ANXA9: variants seen among roughly 807,000 people sequenced by gnomAD.
The protein encoded by ANXA9 is annexin 31.
Under a neutral mutation model 51.8 loss-of-function variants are expected in ANXA9, and 47 were observed. That is an observed-to-expected ratio of 0.91 (90% CI 0.72 to 1.16). The LOEUF (loss-of-function observed/expected upper bound fraction) is 1.16. ANXA9 is among the 50% of genes most tolerant of loss of function. The pLI, the probability that ANXA9 is intolerant of heterozygous loss-of-function variation, is 0.00. For missense variants in ANXA9, 361 were observed against 424.7 expected (o/e 0.85, Z 1.32); for synonymous variants, 154 against 168.7 (o/e 0.91, Z 0.68).
intron 12 of ANXA9, among the ~76,000 whole-genome samples, chr1:150,989,781 A>G (rs947816408): frequency 5.3e-5 from 8 of 152,200 alleles, no homozygotes; most frequent in African/African-American, 1.9e-4. Context: ...GTTAGTAAAT[A>G]TAAGCAATTG....
intron 12 of ANXA9, among the ~76,000 whole-genome samples, chr1:150,993,594 G>A (rs911472095): frequency 2.7e-5 from 4 of 148,242 alleles, no homozygotes; most frequent in African/African-American, 1.0e-4. Context: ...ACAGGCATGA[G>A]CCACCACACC....
chr1:150,993,780 A>ACC (rs1432646622), intron 12 of ANXA9, among the ~76,000 whole-genome samples: 1 of 150,474 alleles, frequency 6.6e-6, no homozygotes, highest in Non-Finnish European at 1.5e-5. Flanking sequence ...GATTGCAGGC[A>ACC]CCCACCACCA....
Position 150,995,287 on chromosome 1 carries a change from G to A in ANXA9, c.1003G>A (p.Ala335Thr). Residue 335 changes from alanine (A) to threonine (T), a missense_variant, in exon 14 of 14, where the codon GCC becomes ACC. Ala to Thr is a moderately conservative substitution (Grantham distance 58, BLOSUM62 0). Transcript: ENST00000368947. Reference protein sequence around the residue: ...QDAVKGDCQSALLALCRAEDM With the variant: ...QDAVKGDCQSTLLALCRAEDM The stretch of plus-strand genomic sequence containing the variant: ...TGCAGTGAAAGGGGATTGCCAGTCA[G>A]CCCTCCTGGCCTTGTGCAGGGCTGA... 6.2e-7 allele frequency: 1 copy of A among 1,610,400 alleles called. No homozygotes were observed. Among genetic ancestry groups the A allele is most frequent in the Non-Finnish European group, 8.5e-7 (1 of 1,178,226 alleles).
Position 150,983,393 on chromosome 1 carries a change from A to AC in ANXA9, c.132dup (p.Lys45GlnfsTer74). 1 of 1,613,972 alleles carries AC rather than the reference A, an allele frequency of 6.2e-7. No homozygotes were observed. Among genetic ancestry groups the AC allele is most frequent in the Non-Finnish European group, 8.5e-7 (1 of 1,179,912 alleles). On this transcript the variant is annotated frameshift_variant, in exon 4 of 14. Coordinates refer to ENST00000368947, the MANE Select transcript of ANXA9 (RefSeq NM_003568.3). LOFTEE classifies it high-confidence loss of function. ...AGGACCTTCTTGAACTTCAGCGTGG[A>AC]CAAGGATGCGCAGAGGCTACTGAGG...
intron 12 of ANXA9, among the ~76,000 whole-genome samples, chr1:150,991,998 C>T (rs1024645231): frequency 6.6e-6 from 1 of 151,966 alleles, no homozygotes; most frequent in East Asian, 1.9e-4. Flanking sequence ...AACTCCTGGC[C>T]TCAGGTGATC....
upstream of ANXA9, among the ~76,000 whole-genome samples, chr1:150,980,210 C>A (rs1205634287): frequency 6.6e-6 from 1 of 152,150 alleles, no homozygotes; most frequent in East Asian, 1.9e-4. Context: ...GCCTGGCCAA[C>A]ATGGTGAAAC....
upstream of ANXA9, chr1:150,982,000 T>C (rs990623852): frequency 3.3e-5 from 5 of 152,256 alleles, no homozygotes; most frequent in African/African-American, 1.2e-4. Context: ...AGCTGGACTT[T>C]GAGACTAGGT....
intron 12 of ANXA9, among the ~76,000 whole-genome samples, chr1:150,992,256 G>T (rs1014511429): frequency 1.3e-5 from 2 of 151,484 alleles, no homozygotes; most frequent in African/African-American, 4.8e-5. Context: ...ATACGATTAA[G>T]TATTATAATT....
upstream of ANXA9, among the ~76,000 whole-genome samples, chr1:150,980,846 T>G: frequency 1.3e-5 from 2 of 152,066 alleles, 1 homozygote; most frequent in Middle Eastern, 6.3e-3. Flanking sequence ...CACAAAGTGC[T>G]GGGATTACAG....
At chr1:150,988,942 G>A (rs1237654521) in intron 12 of ANXA9, among the ~76,000 whole-genome samples, 3 of 151,354 alleles carry the variant, frequency 2.0e-5, no homozygotes, top group South Asian at 4.2e-4. Flanking sequence ...CTTTCTCCAC[G>A]CTGGTCAGAT....
chr1:150,992,660 A>G (rs955664828), intron 12 of ANXA9, among the ~76,000 whole-genome samples: 7 of 151,858 alleles, frequency 4.6e-5, no homozygotes, highest in African/African-American at 1.7e-4. Context: ...AAATAAAAAA[A>G]TTAGCTGGGC....
At chr1:150,984,541 C>T (rs764428573) in intron 6 of ANXA9, 45 bp from the exon 7 acceptor site, 2 of 1,578,398 alleles carry the variant, frequency 1.3e-6, no homozygotes, top group Admixed American at 3.3e-5. Context: ...GTCTGCCATC[C>T]TAATGACACG....
intron 12 of ANXA9, among the ~76,000 whole-genome samples, chr1:150,993,240 C>A (rs143246506): frequency 0.011 from 1,699 of 151,764 alleles, 21 homozygotes; most frequent in African/African-American, 0.039. Context: ...AAAAATCTCT[C>A]ATAACAACAC....
chr1:150,979,770 T>A (rs1671383210), upstream of ANXA9, among the ~76,000 whole-genome samples: 1 of 152,238 alleles, frequency 6.6e-6, no homozygotes, highest in Non-Finnish European at 1.5e-5. Context: ...CAGTAACAGT[T>A]ACCATATAAC....
chr1:150,983,941 C>T, intron 4 of ANXA9, 34 bp from the exon 5 acceptor site: 1 of 1,591,440 alleles, frequency 6.3e-7, no homozygotes, highest in Non-Finnish European at 8.6e-7. Context: ...TATGTAAAGA[C>T]CCTGCTCACA....
At chr1:150,986,308 A>G in intron 7 of ANXA9, 28 bp from the exon 8 acceptor site, 1 of 1,608,040 alleles carries the variant, frequency 6.2e-7, no homozygotes, top group Non-Finnish European at 8.5e-7. Context: ...ACTCAGGAGG[A>G]TTCAGAGAGC....
intron 12 of ANXA9, 68 bp downstream of exon 12, chr1:150,988,409 T>G: frequency 6.3e-7 from 1 of 1,578,048 alleles, no homozygotes; most frequent in South Asian, 1.1e-5. Flanking sequence ...CTCAGCTTGC[T>G]GCTTATGTAA....
intron 12 of ANXA9, among the ~76,000 whole-genome samples, chr1:150,991,329 C>T (rs193217946): frequency 3.7e-4 from 51 of 137,592 alleles, no homozygotes; most frequent in Middle Eastern, 5.2e-3. Context: ...CTCCGCCTCC[C>T]GAGTTCAAGC....
chr1:150,984,114 A>G (rs1671491396), intron 5 of ANXA9, 45 bp downstream of exon 5: 1 of 1,589,582 alleles, frequency 6.3e-7, no homozygotes, highest in East Asian at 2.2e-5. Context: ...GGGGTGAGAA[A>G]CCCCCTGGAG....
Sources: allele counts gnomAD v4.1 joint callset (sites outside exome capture counted in the v4.1 genomes callset), GRCh38; gene constraint gnomAD v4.1.1; transcripts MANE v1.5; gene names NCBI Gene and HGNC (gene_info 2026-07-23, HGNC 2026-07-21).